Variants in COL5A2 observed in about 807,000 individuals in gnomAD.
COL5A2 encodes the protein collagen type V alpha 2 chain.
Under a neutral mutation model 208.2 loss-of-function variants are expected in COL5A2, and 23 were observed. That is an observed-to-expected ratio of 0.11 (90% CI 0.08 to 0.16). COL5A2 has a LOEUF of 0.16. COL5A2 is among the 10% of genes least tolerant of loss of function. The pLI is 1.00. For synonymous variants in COL5A2, 625 were observed against 628.5 expected (o/e 0.99, Z 0.08); for missense variants, 1,590 against 1,956.4 (o/e 0.81, Z 3.53).
intron 52 of COL5A2, 102 bp from the exon 53 acceptor site, chr2:189,035,257 T>C: frequency 1.4e-6 from 2 of 1,441,050 alleles, no homozygotes; most frequent in Non-Finnish European, 1.9e-6. Context: ...ATAAATCAAT[T>C]TTGAAGAGTA....
chr2:189,176,754 T>C (rs531386856), intron 1 of COL5A2, among the ~76,000 whole-genome samples: 1 of 152,064 alleles, frequency 6.6e-6, no homozygotes, highest in Non-Finnish European at 1.5e-5. Context: ...TTTGTCATTT[T>C]AACTCCCTGA....
chr2:189,137,426 A>G (rs1687847365), intron 1 of COL5A2, among the ~76,000 whole-genome samples: 1 of 152,242 alleles, frequency 6.6e-6, no homozygotes, highest in Admixed American at 6.5e-5. Context: ...TCTGATCACT[A>G]TTGAAGAACA....
chr2:189,428,613 G>T, the COL5A2 span, among the ~76,000 whole-genome samples: 1 of 151,644 alleles, frequency 6.6e-6, no homozygotes, highest in African/African-American at 2.4e-5. Flanking sequence ...GTGAGACTCC[G>T]TCTGAAAAAA....
chr2:189,189,061 G>C (rs1385974945), intron 1 of COL5A2, among the ~76,000 whole-genome samples: 2 of 152,096 alleles, frequency 1.3e-5, no homozygotes, highest in Non-Finnish European at 2.9e-5. Flanking sequence ...TGGCCCTTGA[G>C]AGAAAAACAG....
intron 1 of COL5A2, among the ~76,000 whole-genome samples, chr2:189,111,867 T>TC (rs1423361781): frequency 6.6e-6 from 1 of 151,902 alleles, no homozygotes; most frequent in Non-Finnish European, 1.5e-5. Context: ...TCTTTTCTTT[T>TC]TTTTTTTTCT....
intron 29 of COL5A2, among the ~76,000 whole-genome samples, chr2:189,062,416 T>C (rs998623710): frequency 2.6e-5 from 4 of 152,056 alleles, no homozygotes; most frequent in African/African-American, 9.7e-5. Context: ...ACTCCTGACC[T>C]CAGGTAATCC....
chr2:189,207,434 T>C (rs1689155625), intron 1 of COL5A2, among the ~76,000 whole-genome samples: 2 of 152,210 alleles, frequency 1.3e-5, no homozygotes, highest in African/African-American at 4.8e-5. Flanking sequence ...TTTGTTATTT[T>C]ACAATTTCAA....
In COL5A2 at chr2:189,039,588, C is replaced by T. The variant is rs1177961604; in HGVS notation, c.3634-25G>A. On this transcript the variant is annotated intron_variant, in intron 50 of 53. Transcript: ENST00000374866. ...CCTAATTAAAAAGAGATTGGAAAGA[C>T]ATTTAACACATTGTTTTTGTTTTAC... is the stretch of plus-strand genomic sequence containing the variant. The T allele has an allele frequency of 3.1e-6, 5 of 1,607,742 alleles. No individual in the cohort carries two copies. In the Admixed American group the frequency reaches 8.4e-5, roughly 27 times the overall value.
At chr2:189,188,229 T>C (rs957392917) in intron 1 of COL5A2, among the ~76,000 whole-genome samples, 4 of 152,214 alleles carry the variant, frequency 2.6e-5, no homozygotes, top group Non-Finnish European at 4.4e-5. Flanking sequence ...TGCAAAAATT[T>C]CCACCATTTG....
rs955194534 is a variant in COL5A2, at chr2:189,132,920, C to CA, written c.98-22472dup. On this transcript the variant is annotated intron_variant, in intron 1 of 53. Coordinates refer to ENST00000374866, the MANE Select transcript of COL5A2 (RefSeq NM_000393.5). ...TGGATAACAGAGCAAGACTCCATCT[C>CA]AAAAAAAAAATTAATAAAACAATAT... 9.0e-4 allele frequency: 132 copies of CA among 147,286 alleles called. 1 individual carries two copies. The highest frequency in any genetic ancestry group is 3.0e-3 in the African/African-American group (120 of 40,018). The allele number at this position is 147,286 out of a possible 1,614,324, so 9.1% of individuals were successfully genotyped here. A position where few individuals can be genotyped will look rare whatever the true frequency, so the allele number is the denominator to read the frequency against.
intron 1 of COL5A2, among the ~76,000 whole-genome samples, chr2:189,150,853 T>C (rs923114905): frequency 6.6e-6 from 1 of 152,164 alleles, no homozygotes; most frequent in Non-Finnish European, 1.5e-5. Context: ...TAAGTGGCTG[T>C]AAAGCTCCTG....
At chr2:189,248,153 T>C in the COL5A2 span, among the ~76,000 whole-genome samples, 1 of 152,266 alleles carries the variant, frequency 6.6e-6, no homozygotes, top group Non-Finnish European at 1.5e-5. Flanking sequence ...CAAAACGTTA[T>C]AGTTTCTTTG....
chr2:189,256,432 T>C, the COL5A2 span, among the ~76,000 whole-genome samples: 1 of 152,116 alleles, frequency 6.6e-6, no homozygotes, highest in African/African-American at 2.4e-5. Flanking sequence ...GCCAGATTGG[T>C]GAATTTCAAA....
At chr2:189,315,542 A>G in the COL5A2 span, among the ~76,000 whole-genome samples, 4 of 152,042 alleles carry the variant, frequency 2.6e-5, no homozygotes, top group Non-Finnish European at 5.9e-5. Flanking sequence ...GTGCCCTCTC[A>G]CCACTCCTAT....
chr2:189,182,840 G>A (rs191900335), upstream of COL5A2, among the ~76,000 whole-genome samples: 8 of 152,116 alleles, frequency 5.3e-5, no homozygotes, highest in East Asian at 5.8e-4. Flanking sequence ...TTGTCTCAGC[G>A]CCCTTTCAGG....
chr2:189,141,270 T>C (rs889002206), intron 1 of COL5A2, among the ~76,000 whole-genome samples: 38 of 152,164 alleles, frequency 2.5e-4, no homozygotes, highest in African/African-American at 8.2e-4. Context: ...TTAATAATAA[T>C]AATAAATACC....
At chr2:189,439,577 T>G in the COL5A2 span, among the ~76,000 whole-genome samples, 24 of 152,252 alleles carry the variant, frequency 1.6e-4, no homozygotes, top group African/African-American at 5.1e-4. Context: ...TACCTCAGCC[T>G]TCTTGTTACA....
At chr2:189,348,227 C>G in the COL5A2 span, among the ~76,000 whole-genome samples, 1 of 151,922 alleles carries the variant, frequency 6.6e-6, no homozygotes, top group African/African-American at 2.4e-5. Flanking sequence ...AGGTTTGAAT[C>G]AAAAATATAT....
chr2:189,239,192 TA>T, the COL5A2 span, among the ~76,000 whole-genome samples: 5 of 152,038 alleles, frequency 3.3e-5, no homozygotes, highest in African/African-American at 1.2e-4. Flanking sequence ...TCTGATTTTT[TA>T]AAGAGACTCT....
Sources: allele counts gnomAD v4.1 joint callset (sites outside exome capture counted in the v4.1 genomes callset), GRCh38; gene constraint gnomAD v4.1.1; transcripts MANE v1.5; gene names NCBI Gene and HGNC (gene_info 2026-07-23, HGNC 2026-07-21).